AGBL1: variants seen among roughly 807,000 people sequenced by gnomAD.
AGBL1 encodes the protein AGBL carboxypeptidase 1.
In AGBL1, 130 loss-of-function variants were observed where a neutral mutation model predicts 118.9. The ratio of observed to expected loss-of-function variants is 1.09; its 90% CI spans 0.95 to 1.26. The LOEUF is 1.26. AGBL1 is among the 50% of genes most tolerant of loss of function. The probability of loss-of-function intolerance (pLI) is 0.00; values close to 1 mark genes in which losing one functional copy is unlikely to be tolerated. For synonymous variants in AGBL1, 555 were observed against 478.9 expected, an observed-to-expected ratio of 1.16 and a Z score of -2.08; for missense variants, 1,584 against 1,298.1, an observed-to-expected ratio of 1.22 and a Z score of -3.38.
intron 16 of AGBL1, among the ~76,000 whole-genome samples, chr15:86,282,522 C>T (rs1344214928): frequency 1.3e-5 from 2 of 152,166 alleles, no homozygotes; most frequent in African/African-American, 2.4e-5. Context: ...CAATTTGTTA[C>T]TTAAAAGTGA....
chr15:86,982,115 A>C (rs2081237083), intron 23 of AGBL1, among the ~76,000 whole-genome samples: 1 of 152,158 alleles, frequency 6.6e-6, no homozygotes, highest in Non-Finnish European at 1.5e-5. Context: ...CATTCTTCTT[A>C]ATGTCCTCCC....
chr15:86,926,771 A>T (rs750028134), intron 23 of AGBL1, among the ~76,000 whole-genome samples: 10 of 152,334 alleles, frequency 6.6e-5, no homozygotes, highest in East Asian at 3.9e-4. Context: ...TGGATACCAC[A>T]GGGCAATCAC....
intron 24 of AGBL1, among the ~76,000 whole-genome samples, chr15:86,997,447 A>G (rs1161552689): frequency 3.9e-5 from 6 of 152,202 alleles, no homozygotes; most frequent in Admixed American, 3.9e-4. Flanking sequence ...ACATGTCAAA[A>G]ATAATTGAAG....
At chr15:86,934,638 C>T (rs753307036) in intron 23 of AGBL1, among the ~76,000 whole-genome samples, 1 of 152,084 alleles carries the variant, frequency 6.6e-6, no homozygotes, top group Non-Finnish European at 1.5e-5. Flanking sequence ...TTATAAGTTA[C>T]AGGGTCAATA....
intron 22 of AGBL1, among the ~76,000 whole-genome samples, chr15:86,718,283 C>T (rs1241570224): frequency 1.3e-5 from 2 of 152,040 alleles, no homozygotes; most frequent in Non-Finnish European, 2.9e-5. Context: ...CAAACTATCT[C>T]AAGGACAGAA....
At chr15:86,967,484 A>C (rs1178641240) in intron 23 of AGBL1, among the ~76,000 whole-genome samples, 1 of 152,122 alleles carries the variant, frequency 6.6e-6, no homozygotes, top group Admixed American at 6.6e-5. Flanking sequence ...TCCTTAATCC[A>C]TCTTGATTAA....
chr15:86,712,305 T>C (rs1322534811), intron 22 of AGBL1, among the ~76,000 whole-genome samples: 1 of 152,064 alleles, frequency 6.6e-6, no homozygotes, highest in Non-Finnish European at 1.5e-5. Context: ...AAATTGTCTC[T>C]CTATTATGTT....
intron 22 of AGBL1, among the ~76,000 whole-genome samples, chr15:86,710,112 T>C (rs1253169133): frequency 6.6e-6 from 1 of 152,138 alleles, no homozygotes; most frequent in Admixed American, 6.6e-5. Flanking sequence ...AATAGAAGGA[T>C]TGTATGTGAT....
intron 15 of AGBL1, among the ~76,000 whole-genome samples, chr15:86,274,627 G>A (rs371198292): frequency 6.6e-6 from 1 of 152,064 alleles, no homozygotes; most frequent in Non-Finnish European, 1.5e-5. Flanking sequence ...TGCAACAATC[G>A]ATGCTTAACT....
chr15:86,270,007 G>A lies in AGBL1; in HGVS notation c.1927G>A (p.Ala643Thr). The change falls in exon 14 of 23, where the codon GCC becomes ACC. Residue 643 changes from alanine (A) to threonine (T), a missense_variant. Physicochemically the swap from Ala to Thr is moderately conservative, Grantham distance 58. Transcript: ENST00000614907. The part of the protein sequence containing the change: ...FYFKVSGMQA[A>T]IPYHFNIINC... Reference sequence around the variant, plus strand: ...TTTCAAAGTGAGCGGTATGCAGGCGGCCATCCCTTACCACTTCAACATCAT... The same window carrying A: ...TTTCAAAGTGAGCGGTATGCAGGCGACCATCCCTTACCACTTCAACATCAT... 6.2e-7 allele frequency: 1 copy of A among 1,613,380 alleles called. No homozygotes were observed. The highest frequency in any genetic ancestry group is 1.1e-5 in the South Asian group (1 of 90,880).
chr15:86,459,590 G>C (rs1783127067), intron 18 of AGBL1, among the ~76,000 whole-genome samples: 1 of 152,052 alleles, frequency 6.6e-6, no homozygotes, highest in South Asian at 2.1e-4. Flanking sequence ...CCCAGTTTAA[G>C]TCTTGATTCT....
intron 23 of AGBL1, among the ~76,000 whole-genome samples, chr15:86,932,695 G>T (rs2080619890): frequency 6.6e-6 from 1 of 152,052 alleles, no homozygotes; most frequent in African/African-American, 2.4e-5. Flanking sequence ...ATCAACTATG[G>T]CTGACTCCCC....
intron 18 of AGBL1, among the ~76,000 whole-genome samples, chr15:86,492,521 C>T (rs748064396): frequency 1.6e-4 from 23 of 147,140 alleles, no homozygotes; most frequent in Admixed American, 6.9e-4. Flanking sequence ...AACTGGGAGG[C>T]GGAGGTTGCA....
At chr15:86,458,511 A>G (rs572891954) in intron 18 of AGBL1, among the ~76,000 whole-genome samples, 2 of 152,260 alleles carry the variant, frequency 1.3e-5, no homozygotes, top group African/African-American at 4.8e-5. Context: ...AGTCTGTTAC[A>G]TTGTTTCTAT....
intron 22 of AGBL1, among the ~76,000 whole-genome samples, chr15:86,857,042 A>G (rs896721722): frequency 6.6e-6 from 1 of 152,154 alleles, no homozygotes; most frequent in Admixed American, 6.5e-5. Context: ...TGCACAATCC[A>G]GAAACCCAGA....
intron 22 of AGBL1, among the ~76,000 whole-genome samples, chr15:86,835,446 A>T (rs978725209): frequency 6.6e-6 from 1 of 152,170 alleles, no homozygotes; most frequent in African/African-American, 2.4e-5. Context: ...ACTCAGTGAG[A>T]GTAAGTAAAA....
chr15:86,499,860 G>A (rs2082898531), intron 18 of AGBL1, among the ~76,000 whole-genome samples: 1 of 151,890 alleles, frequency 6.6e-6, no homozygotes, highest in African/African-American at 2.4e-5. Flanking sequence ...ACATTCTATT[G>A]TTATATAAAT....
At chr15:86,512,356 T>C (rs895663763) in intron 18 of AGBL1, among the ~76,000 whole-genome samples, 6 of 151,978 alleles carry the variant, frequency 3.9e-5, no homozygotes, top group African/African-American at 1.4e-4. Context: ...TAAGAATTTG[T>C]CTATACCTCT....
intron 1 of AGBL1, among the ~76,000 whole-genome samples, chr15:86,096,793 A>G (rs1896403789): frequency 6.6e-6 from 1 of 152,172 alleles, no homozygotes; most frequent in South Asian, 2.1e-4. Context: ...TCCTTGAGTA[A>G]CCTAGTATAG....
Sources: gnomAD v4.1 joint callset for allele counts (sites outside exome capture counted in the v4.1 genomes callset) on GRCh38, gnomAD v4.1.1 for gene constraint, MANE v1.5 for transcripts, NCBI Gene and HGNC (gene_info 2026-07-23, HGNC 2026-07-21) for gene names.